Variants in FAM81A observed in about 807,000 individuals in gnomAD.
FAM81A encodes the protein family with sequence similarity 81 member A, also known as protein FAM81A.
A neutral mutation model predicts 46.7 loss-of-function variants in FAM81A; 19 were observed. The ratio of observed to expected loss-of-function variants is 0.41; its 90% CI spans 0.28 to 0.60. FAM81A has a LOEUF of 0.60. Ranked by LOEUF, FAM81A falls within the 20% of genes least tolerant of loss-of-function variation. FAM81A has a pLI of 0.34. For missense variants in FAM81A, 377 were observed against 453.5 expected, an observed-to-expected ratio of 0.83 and a Z score of 1.53; for synonymous variants, 183 against 152.9, an observed-to-expected ratio of 1.20 and a Z score of -1.45.
chr15:59,479,203 C>T (rs1189614926), intron 3 of FAM81A, among the ~76,000 whole-genome samples: 1 of 152,100 alleles, frequency 6.6e-6, no homozygotes, highest in Non-Finnish European at 1.5e-5. Flanking sequence ...TGGAGAGTGA[C>T]TGTGTGGCTG....
intron 3 of FAM81A, among the ~76,000 whole-genome samples, chr15:59,481,800 A>G (rs62013104): frequency 0.023 from 3,439 of 151,886 alleles, 74 homozygotes; most frequent in Non-Finnish European, 0.037. Context: ...ATTGGTCTCC[A>G]GGAAAGTTGT....
intron 3 of FAM81A, among the ~76,000 whole-genome samples, chr15:59,488,211 A>G (rs560020921): frequency 9.2e-5 from 14 of 152,336 alleles, no homozygotes; most frequent in South Asian, 6.2e-4. Context: ...CATTGGATAA[A>G]ATTCAACATC....
chr15:59,433,140 CAA>C (rs552850890), intron 2 of FAM81A, among the ~76,000 whole-genome samples: 1,820 of 42,062 alleles, frequency 0.043, 24 homozygotes, highest in African/African-American at 0.15. Context: ...GACTCCGTCT[CAA>C]AAAAAAAAAA....
intron 3 of FAM81A, among the ~76,000 whole-genome samples, chr15:59,484,897 T>C (rs2081898972): frequency 6.6e-6 from 1 of 152,086 alleles, no homozygotes; most frequent in Admixed American, 6.5e-5. Flanking sequence ...GGCCCGCTGC[T>C]CTGAAGGGTG....
intron 2 of FAM81A, among the ~76,000 whole-genome samples, chr15:59,421,737 AT>A (rs2081173070): frequency 8.2e-6 from 1 of 122,280 alleles, no homozygotes; most frequent in African/African-American, 3.4e-5. Flanking sequence ...CTGTCTATCT[AT>A]CTATCTGTCT....
At chr15:59,414,307 T>G (rs1471518504) in intron 2 of FAM81A, among the ~76,000 whole-genome samples, 1 of 152,046 alleles carries the variant, frequency 6.6e-6, no homozygotes. Flanking sequence ...AGGAAAGACT[T>G]CCCCTCACTC....
rs2081538592 is a variant in FAM81A at position 59,460,468 on chromosome 15, T to C, written c.294+262T>C. 1 of 535,744 alleles carries C rather than the reference T, an allele frequency of 1.9e-6. No homozygotes were observed. 33.2% of individuals were successfully genotyped at this position (535,744 alleles called of 1,614,324 possible). A position where few individuals can be genotyped will look rare whatever the true frequency, so the allele number is the denominator to read the frequency against. ...TGCTGATTATTAAATGATTTTATTT[T>C]GTTTGGCTCTTAATGAAGAGAGAGA... On this transcript the variant is annotated intron_variant, in intron 3 of 8. Coordinates refer to ENST00000288228, the MANE Select transcript of FAM81A (RefSeq NM_152450.3). The surrounding 1 kb of genome is among the most constrained non-coding windows in gnomAD (Gnocchi z 4.4).
At chr15:59,512,873 T>G (rs757304429) in intron 6 of FAM81A, among the ~76,000 whole-genome samples, 3 of 152,224 alleles carry the variant, frequency 2.0e-5, no homozygotes, top group Non-Finnish European at 2.9e-5. Flanking sequence ...AAAGGCGTGC[T>G]TATGACTTTG....
chr15:59,491,092 A>G (rs2081975602), intron 3 of FAM81A, among the ~76,000 whole-genome samples: 1 of 152,206 alleles, frequency 6.6e-6, no homozygotes, highest in South Asian at 2.1e-4. Flanking sequence ...AAATCAGTAT[A>G]TGGAAGAGAT....
chr15:59,426,980 T>C, intron 2 of FAM81A, among the ~76,000 whole-genome samples: 1 of 152,260 alleles, frequency 6.6e-6, no homozygotes, highest in East Asian at 1.9e-4. Flanking sequence ...AGTTCATCTA[T>C]AAGCTTTCTG....
At chr15:59,486,133 C>T (rs1253761342) in intron 3 of FAM81A, among the ~76,000 whole-genome samples, 1 of 152,044 alleles carries the variant, frequency 6.6e-6, no homozygotes, top group Non-Finnish European at 1.5e-5. Context: ...AAACCAAGAT[C>T]ATGCCACTGC....
At chr15:59,504,490 A>G (rs1331528075) in intron 4 of FAM81A, among the ~76,000 whole-genome samples, 3 of 152,230 alleles carry the variant, frequency 2.0e-5, no homozygotes, top group Non-Finnish European at 2.9e-5. Context: ...TTGCAAAGTA[A>G]GAGTCTATAA....
intron 2 of FAM81A, among the ~76,000 whole-genome samples, chr15:59,424,660 C>T (rs4477634): frequency 0.64 from 98,022 of 152,082 alleles, 31,984 homozygotes; most frequent in East Asian, 0.87. Context: ...TATTTGCTTA[C>T]GTTATAGAAG....
At chr15:59,453,106 T>A (rs1356000088) in intron 1 of FAM81A, among the ~76,000 whole-genome samples, 13 of 152,196 alleles carry the variant, frequency 8.5e-5, no homozygotes, top group African/African-American at 3.1e-4. Flanking sequence ...TATCAGATGT[T>A]CATAAAGGGA....
chr15:59,417,403 A>C (rs1180332684), intron 2 of FAM81A, among the ~76,000 whole-genome samples: 1 of 151,940 alleles, frequency 6.6e-6, no homozygotes, highest in South Asian at 2.1e-4. Flanking sequence ...CAAACAAACA[A>C]ACAAAAAAAC....
At chr15:59,495,055 TAA>T (rs1221578596) in intron 4 of FAM81A, among the ~76,000 whole-genome samples, 1 of 152,222 alleles carries the variant, frequency 6.6e-6, no homozygotes, top group Admixed American at 6.5e-5. Flanking sequence ...TCTAACTATA[TAA>T]GTCACCTACT....
At chr15:59,455,289 A>T (rs2081470056) in intron 1 of FAM81A, among the ~76,000 whole-genome samples, 1 of 152,032 alleles carries the variant, frequency 6.6e-6, no homozygotes, top group African/African-American at 2.4e-5. Context: ...AAAACTTTAT[A>T]AAGTGGAGAT....
intron 3 of FAM81A, among the ~76,000 whole-genome samples, chr15:59,469,655 T>C (rs2141673493): frequency 6.6e-6 from 1 of 152,276 alleles, no homozygotes; most frequent in Non-Finnish European, 1.5e-5. Flanking sequence ...CTGATGGGTC[T>C]TGACTCTTTA....
intron 5 of FAM81A, 37 bp from the exon 6 acceptor site, chr15:59,508,826 T>A (rs758073691): frequency 3.3e-6 from 5 of 1,527,410 alleles, no homozygotes; most frequent in Non-Finnish European, 4.5e-6. Context: ...TCTGAAGACG[T>A]TAGATGTGAT....
Sources: allele counts gnomAD v4.1 joint callset (sites outside exome capture counted in the v4.1 genomes callset), GRCh38; gene constraint gnomAD v4.1.1; non-coding constraint Gnocchi (gnomAD v3.1); transcripts MANE v1.5; gene names NCBI Gene and HGNC (gene_info 2026-07-23, HGNC 2026-07-21).